CDH18: variants seen among roughly 807,000 people sequenced by gnomAD.
CDH18 encodes cadherin-18.
A neutral mutation model predicts 67.9 loss-of-function variants in CDH18; 31 were observed. The observed-to-expected ratio is 0.46, with a 90% CI of 0.34 to 0.62. The LOEUF is 0.62. Ranked by LOEUF, CDH18 falls within the 20% of genes least tolerant of loss-of-function variation. CDH18 has a pLI of 0.01. For synonymous variants in CDH18, 362 were observed against 347.2 expected (o/e 1.04, Z -0.48); for missense variants, 890 against 975.5 (o/e 0.91, Z 1.17).
intron 2 of CDH18, among the ~76,000 whole-genome samples, chr5:19,980,521 A>G (rs1393025259): frequency 6.6e-6 from 1 of 152,188 alleles, no homozygotes; most frequent in Non-Finnish European, 1.5e-5. Flanking sequence ...ATTTCAAGAC[A>G]GTGTCTTCCT....
intron 2 of CDH18, among the ~76,000 whole-genome samples, chr5:19,879,757 T>A (rs1787418403): frequency 6.6e-6 from 1 of 152,044 alleles, no homozygotes; most frequent in Non-Finnish European, 1.5e-5. Context: ...TACATTTGAT[T>A]TGTTTAATTA....
At chr5:19,785,067 T>C (rs966966513) in intron 3 of CDH18, among the ~76,000 whole-genome samples, 2 of 152,124 alleles carry the variant, frequency 1.3e-5, no homozygotes, top group African/African-American at 2.4e-5. Context: ...AAAACCAAAC[T>C]GTAACCCAAC....
At chr5:19,736,727 G>T (rs1186711193) in intron 4 of CDH18, among the ~76,000 whole-genome samples, 1 of 152,090 alleles carries the variant, frequency 6.6e-6, no homozygotes, top group African/African-American at 2.4e-5. Flanking sequence ...ATGGACTGTT[G>T]TGATAAACTT....
intron 2 of CDH18, among the ~76,000 whole-genome samples, chr5:20,146,249 A>C (rs1750635923): frequency 6.6e-6 from 1 of 151,776 alleles, no homozygotes. Flanking sequence ...CTACTTTCCT[A>C]CTTGGAATTT....
At chr5:19,696,397 T>A (rs1762546861) in intron 5 of CDH18, among the ~76,000 whole-genome samples, 1 of 151,486 alleles carries the variant, frequency 6.6e-6, no homozygotes, top group Non-Finnish European at 1.5e-5. Context: ...ATTAGCCGGG[T>A]GTGGTGGCAC....
chr5:20,487,379 T>A (rs1753267096), intron 1 of CDH18, among the ~76,000 whole-genome samples: 1 of 149,874 alleles, frequency 6.7e-6, no homozygotes. Context: ...AACCTATATA[T>A]GTATAAACCT....
At chr5:20,029,401 T>C (rs1281982380) in intron 2 of CDH18, among the ~76,000 whole-genome samples, 1 of 152,202 alleles carries the variant, frequency 6.6e-6, no homozygotes, top group East Asian at 1.9e-4. Flanking sequence ...ATTCTACTGA[T>C]AAATCTCTTT....
chr5:20,387,660 A>T (rs959779933), intron 1 of CDH18, among the ~76,000 whole-genome samples: 1 of 152,078 alleles, frequency 6.6e-6, no homozygotes, highest in African/African-American at 2.4e-5. Flanking sequence ...TTCAAAGGGA[A>T]TGCTTCCAGT....
chr5:20,219,930 A>G (rs1328899536), intron 2 of CDH18, among the ~76,000 whole-genome samples: 1 of 151,984 alleles, frequency 6.6e-6, no homozygotes, highest in Non-Finnish European at 1.5e-5. Flanking sequence ...AGAAGGGAAG[A>G]TCTCTATAAT....
At chr5:20,017,025 T>C (rs992428017) in intron 2 of CDH18, among the ~76,000 whole-genome samples, 2 of 152,158 alleles carry the variant, frequency 1.3e-5, no homozygotes, top group African/African-American at 4.8e-5. Flanking sequence ...GTCTCCACAT[T>C]AAGTCAAAAA....
At position 19,473,708 on chromosome 5, in the gene CDH18, C is replaced by A; in HGVS notation, c.1891G>T (p.Val631Leu). 6.3e-7 allele frequency: 1 copy of A among 1,591,818 alleles called. No homozygotes were observed. The highest frequency in any genetic ancestry group is 1.1e-5 in the South Asian group (1 of 89,200). ...LCVLILLAIV[V>L]LFITLRRSKK... ...CTGCGCCTCAGGGTGATAAAAAGTA[C>A]CACAATTGCTGAGGAAGAATGGAAA... The change falls in exon 13 of 13, where the codon GTA becomes TTA. Residue 631 changes from valine to leucine, a missense_variant. Val to Leu is a conservative substitution (Grantham distance 32). Coordinates refer to ENST00000382275, the MANE Select transcript of CDH18 (RefSeq NM_004934.5).
rs752062627 is a variant in CDH18 at position 20,500,875 on chromosome 5, GT to G, written c.-580+74586del. ...TGATTGTATAACATTGAACATTAAT[GT>G]TGACATTACAAAGTAATACTTGATA... On this transcript the variant is annotated intron_variant, in intron 1 of 14. Coordinates refer to the CDH18 transcript ENST00000507958. 4.6e-5 allele frequency among the ~76,000 whole-genome samples: 7 copies of G among 152,246 alleles called. No homozygotes were observed. In the East Asian group the frequency reaches 9.7e-4, roughly 21 times the overall value.
At chr5:20,045,490 G>T (rs745710826) in intron 2 of CDH18, among the ~76,000 whole-genome samples, 1 of 152,148 alleles carries the variant, frequency 6.6e-6, no homozygotes, top group Admixed American at 6.5e-5. Flanking sequence ...TGATAAGTTT[G>T]TGTACTAGTT....
intron 10 of CDH18, among the ~76,000 whole-genome samples, chr5:19,511,870 G>A (rs1179266531): frequency 2.6e-5 from 4 of 152,198 alleles, no homozygotes; most frequent in African/African-American, 9.6e-5. Context: ...AGAAATTCAA[G>A]TTGTGTAAGT....
intron 2 of CDH18, among the ~76,000 whole-genome samples, chr5:20,086,161 G>C (rs551420154): frequency 1.3e-5 from 2 of 152,310 alleles, no homozygotes; most frequent in South Asian, 4.1e-4. Context: ...TATTGGTCTT[G>C]ATAGATGATC....
At chr5:19,520,586 T>G (rs1054625640) in intron 10 of CDH18, 71 bp downstream of exon 10, 8 of 1,372,348 alleles carry the variant, frequency 5.8e-6, no homozygotes, top group Non-Finnish European at 7.8e-6. Context: ...GGATTATACC[T>G]AAGAATAATA....
At chr5:19,803,507 T>A (rs899839026) in intron 3 of CDH18, among the ~76,000 whole-genome samples, 1 of 152,174 alleles carries the variant, frequency 6.6e-6, no homozygotes, top group African/African-American at 2.4e-5. Flanking sequence ...ATCGTAATAG[T>A]GCAGATGTAC....
In CDH18 at chr5:19,552,502, G is replaced by T. The variant is rs1296140044; in HGVS notation, c.1254-8497C>A. 2.0e-5 allele frequency among the ~76,000 whole-genome samples: 3 copies of T among 152,024 alleles called. No homozygotes were observed. The South Asian group carries it at 6.2e-4, about 32-fold the overall frequency. The stretch of plus-strand genomic sequence containing the variant: ...TGGTCAAAAGTGTTAATATGAGGGA[G>T]AAAACGTTGAAATAGACTCAACGGC... On this transcript the variant is annotated intron_variant, in intron 8 of 12. Transcript: ENST00000382275.
intron 2 of CDH18, among the ~76,000 whole-genome samples, chr5:20,100,283 C>T (rs761249010): frequency 6.6e-6 from 1 of 151,972 alleles, no homozygotes; most frequent in Non-Finnish European, 1.5e-5. Context: ...ATCTAATATA[C>T]CATATTTTAT....
Sources: gnomAD v4.1 joint callset for allele counts (sites outside exome capture counted in the v4.1 genomes callset) on GRCh38, gnomAD v4.1.1 for gene constraint, MANE v1.5 for transcripts, NCBI Gene and HGNC (gene_info 2026-07-23, HGNC 2026-07-21) for gene names.